The following LMF1 variants were observed in gnomAD, a reference collection of about 807,000 sequenced individuals.
LMF1 encodes the protein transmembrane protein 112.
In LMF1, 68 loss-of-function variants were observed where a neutral mutation model predicts 60.6. The ratio of observed to expected loss-of-function variants is 1.12; its 90% CI spans 0.92 to 1.37. The LOEUF is 1.37. Ranked by LOEUF, LMF1 falls within the 40% of genes most tolerant of loss-of-function variation. LMF1 has a pLI of 0.00. For missense variants in LMF1, 948 were observed against 767.2 expected, an observed-to-expected ratio of 1.24 and a Z score of -2.78; for synonymous variants, 418 against 324.7, an observed-to-expected ratio of 1.29 and a Z score of -3.09.
rs145036605 is a variant in LMF1, at chr16:954,635, G to T, written c.225C>A (p.Asn75Lys). Residue 75 changes from asparagine to lysine, a missense_variant, in exon 2 of 11, where the codon AAC (asparagine) becomes AAA (lysine). Physicochemically the swap from Asn to Lys is moderately conservative, Grantham distance 94. Coordinates refer to ENST00000262301, the MANE Select transcript of LMF1 (RefSeq NM_022773.4). ...FVAFLVAFHQ[N>K]KQLIGDRGLL... The stretch of plus-strand genomic sequence containing the variant: ...GCCCCCTGTCACCGATGAGCTGCTT[G>T]TTCTGATGGAAAGCCACCAGGAATG... 1.2e-6 allele frequency: 2 copies of T among 1,603,982 alleles called. No individual in the cohort carries two copies. The highest frequency in any genetic ancestry group is 8.5e-7 in the Non-Finnish European group (1 of 1,173,292).
chr16:858,754 C>G (rs62646115), intron 10 of LMF1, among the ~76,000 whole-genome samples: 234 of 9,186 alleles, frequency 0.025, 2 homozygotes, highest in Admixed American at 0.048. Flanking sequence ...ACGGGTGTGA[C>G]TGGTGTCACG....
chr16:869,085 CT>C lies in LMF1; in HGVS notation c.1417-30del, dbSNP rs775495839. ...GGAGGAGAGGTCGGGCTGGAGACGG[CT>C]GTGCCACTCGCTGTCCAGGCACAGC... On this transcript the variant is annotated intron_variant, in intron 9 of 10. Coordinates refer to ENST00000262301, the MANE Select transcript of LMF1 (RefSeq NM_022773.4). The C allele has an allele frequency of 1.5e-5, 21 of 1,440,116 alleles. 1 individual carries two copies. In the South Asian group the frequency reaches 2.2e-4, roughly 15 times the overall value. 89.2% of individuals were successfully genotyped at this position (1,440,116 alleles called of 1,614,324 possible). A position where few individuals can be genotyped will look rare whatever the true frequency, so the allele number is the denominator to read the frequency against.
chr16:885,985 C>G (rs1001724300), intron 5 of LMF1, among the ~76,000 whole-genome samples: 1 of 152,218 alleles, frequency 6.6e-6, no homozygotes, highest in Non-Finnish European at 1.5e-5. Flanking sequence ...TTAAAAGACT[C>G]AAGGCATATC....
chr16:870,142 TTCCCCGACTGTCCA>T, intron 8 of LMF1, 76 bp from the exon 9 acceptor site: 2 of 1,478,918 alleles, frequency 1.4e-6, no homozygotes, highest in Non-Finnish European at 1.8e-6. Context: ...GTGGGGGGGG[TTCCCCGACTGTCCA>T]TCCTGGCCCA....
At chr16:926,316 C>T (rs531711254) in intron 3 of LMF1, among the ~76,000 whole-genome samples, 35 of 151,592 alleles carry the variant, frequency 2.3e-4, no homozygotes, top group Admixed American at 5.9e-4. Flanking sequence ...CATGTATGTG[C>T]GTGTTTGCAT....
At chr16:935,042 C>T (rs890371410) in intron 2 of LMF1, among the ~76,000 whole-genome samples, 19 of 152,086 alleles carry the variant, frequency 1.2e-4, no homozygotes, top group South Asian at 4.1e-4. Flanking sequence ...ACGAAATGTA[C>T]GGAACAGGCC....
At chr16:894,240 T>C in intron 4 of LMF1, among the ~76,000 whole-genome samples, 1 of 97,636 alleles carries the variant, frequency 1.0e-5, no homozygotes. Context: ...CCCGTCCCCC[T>C]GTCCACTGGA....
intron 5 of LMF1, among the ~76,000 whole-genome samples, chr16:892,789 C>A (rs574019094): frequency 1.3e-5 from 2 of 152,280 alleles, no homozygotes; most frequent in South Asian, 2.1e-4. Context: ...CAGCTGCACT[C>A]GAGACCATGG....
chr16:931,698 G>C, intron 3 of LMF1: 1 of 1,287,210 alleles, frequency 7.8e-7, no homozygotes, highest in Non-Finnish European at 1.0e-6. Context: ...ACAGTTCAAA[G>C]ACGCATGGCT....
rs2071104612 is a variant in LMF1 at position 911,242 on chromosome 16, A to ACATCTCAACT, written c.515-164_515-163insAGTTGAGATG. The ACATCTCAACT allele has an allele frequency of 4.7e-6, 4 of 843,896 alleles. No individual in the cohort carries two copies. The African/African-American group carries it at 6.7e-5, about 14-fold the overall frequency. The allele number at this position is 843,896 out of a possible 1,614,324, so 52.3% of individuals were successfully genotyped here. On this transcript the variant is annotated intron_variant, in intron 3 of 10. Transcript: ENST00000262301. ...GTATTAGTCTCAACATCGACACGCA[A>ACATCTCAACT]GGTCAGGTCTGCAGGAGTGGGAGCT...
At chr16:880,807 C>A (rs890974955) in intron 5 of LMF1, among the ~76,000 whole-genome samples, 1 of 152,250 alleles carries the variant, frequency 6.6e-6, no homozygotes. Context: ...AGTGGCACTG[C>A]CAGGGCTGTG....
At chr16:981,343 AGAGAGTGTGTGTGTGT>A (rs1280043793), upstream of LMF1, 12 of 233,008 alleles carry the variant, frequency 5.2e-5, no homozygotes, top group African/African-American at 3.6e-4. Context: ...AGAGAGAGAG[AGAGAGTGTGTGTGTGT>A]GTGTGTGTGT....
At chr16:930,797 G>C (rs1027467992) in intron 3 of LMF1, among the ~76,000 whole-genome samples, 2 of 152,202 alleles carry the variant, frequency 1.3e-5, no homozygotes, top group Non-Finnish European at 2.9e-5. Context: ...TAGGATCTTT[G>C]ACTGGCAGCC....
At chr16:884,201 G>A (rs926302431) in intron 5 of LMF1, 1 of 152,142 alleles carries the variant, frequency 6.6e-6, no homozygotes, top group African/African-American at 2.4e-5. Flanking sequence ...TCACGTTTTT[G>A]GTATGTTTTT....
chr16:953,437 ACGGAC>A (rs1567309938), intron 2 of LMF1, among the ~76,000 whole-genome samples: 10 of 65,932 alleles, frequency 1.5e-4, no homozygotes, highest in African/African-American at 2.9e-4. Context: ...TCACACAGAC[ACGGAC>A]CCCACACCAG....
chr16:948,284 A>C (rs1293985655), intron 2 of LMF1, among the ~76,000 whole-genome samples: 1 of 151,928 alleles, frequency 6.6e-6, no homozygotes, highest in Non-Finnish European at 1.5e-5. Flanking sequence ...AGCCAACGAC[A>C]GAGTCAGAGC....
intron 3 of LMF1, among the ~76,000 whole-genome samples, chr16:913,708 C>T (rs4389145): frequency 0.29 from 44,540 of 152,248 alleles, 8,566 homozygotes; most frequent in African/African-American, 0.53. Flanking sequence ...ACAGGCGTCT[C>T]GGGGCATCAG....
intron 5 of LMF1, among the ~76,000 whole-genome samples, chr16:892,779 C>T (rs2070527952): frequency 6.6e-6 from 1 of 152,198 alleles, no homozygotes; most frequent in Admixed American, 6.5e-5. Flanking sequence ...CAGAGCAAAC[C>T]AGCTGCACTC....
chr16:945,154 T>G (rs1597046550), intron 2 of LMF1, among the ~76,000 whole-genome samples: 1 of 140,684 alleles, frequency 7.1e-6, no homozygotes, highest in African/African-American at 2.8e-5. Flanking sequence ...GAGGCTGCAA[T>G]GGACCGAGTT....
Sources: allele counts gnomAD v4.1 joint callset (sites outside exome capture counted in the v4.1 genomes callset), GRCh38; gene constraint gnomAD v4.1.1; transcripts MANE v1.5; gene names NCBI Gene and HGNC (gene_info 2026-07-23, HGNC 2026-07-21).